Variants in SMCO2 observed in about 807,000 individuals in gnomAD.
SMCO2 encodes single-pass membrane and coiled-coil domain-containing protein 2.
Under a neutral mutation model 29.5 loss-of-function variants are expected in SMCO2, and 25 were observed. The ratio of observed to expected loss-of-function variants is 0.85; its 90% CI spans 0.62 to 1.18. The LOEUF (loss-of-function observed/expected upper bound fraction) is 1.18. Ranked by LOEUF, SMCO2 falls within the 50% of genes most tolerant of loss-of-function variation. The pLI is 0.00. For synonymous variants in SMCO2, 117 were observed against 123.3 expected, an observed-to-expected ratio of 0.95 and a Z score of 0.34; for missense variants, 348 against 344.5, an observed-to-expected ratio of 1.01 and a Z score of -0.08.
the SMCO2 span, among the ~76,000 whole-genome samples, chr12:27,439,510 C>T: frequency 6.6e-6 from 1 of 152,144 alleles, no homozygotes; most frequent in Non-Finnish European, 1.5e-5. Flanking sequence ...AATCCAGTGA[C>T]TGACCCTAAC....
chr12:27,445,713 A>T, the SMCO2 span, among the ~76,000 whole-genome samples: 1 of 152,138 alleles, frequency 6.6e-6, no homozygotes, highest in African/African-American at 2.4e-5. Flanking sequence ...ACCTTTCCAC[A>T]AGTGTCTTAG....
intron 2 of SMCO2, among the ~76,000 whole-genome samples, chr12:27,472,264 A>G (rs1949546919): frequency 6.6e-6 from 1 of 152,150 alleles, no homozygotes; most frequent in South Asian, 2.1e-4. Context: ...TATATATAAT[A>G]TATACACGCA....
chr12:27,460,391 T>C, the SMCO2 span, among the ~76,000 whole-genome samples: 102 of 152,344 alleles, frequency 6.7e-4, no homozygotes, highest in African/African-American at 2.1e-3. Flanking sequence ...ACATAATCAG[T>C]AAATTAACAC....
At chr12:27,481,091 A>C (rs1450728685) in intron 4 of SMCO2, among the ~76,000 whole-genome samples, 3 of 152,160 alleles carry the variant, frequency 2.0e-5, no homozygotes, top group Admixed American at 6.5e-5. Flanking sequence ...GTGATACTGC[A>C]GCTCTGGGTG....
intron 1 of SMCO2, among the ~76,000 whole-genome samples, chr12:27,468,138 A>C (rs1052014888): frequency 1.3e-5 from 2 of 152,154 alleles, no homozygotes; most frequent in African/African-American, 2.4e-5. Flanking sequence ...ACAATAAGAT[A>C]AGGCCCAGCT....
At chr12:27,445,793 C>A in the SMCO2 span, among the ~76,000 whole-genome samples, 1 of 152,312 alleles carries the variant, frequency 6.6e-6, no homozygotes, top group South Asian at 2.1e-4. Context: ...TCTCACAGTT[C>A]TGGAGAATAG....
At chr12:27,425,245 T>A in the SMCO2 span, 1 of 152,114 alleles carries the variant, frequency 6.6e-6, no homozygotes, top group Non-Finnish European at 1.5e-5. Flanking sequence ...TAATTACTCA[T>A]TTGTAGTTTT....
intron 7 of SMCO2, chr12:27,497,965 G>T (rs1943031573): frequency 6.2e-6 from 2 of 322,286 alleles, no homozygotes; most frequent in African/African-American, 2.3e-5. Flanking sequence ...GGGAAGACAA[G>T]AAGTTTAATA....
At chr12:27,466,579 A>G (rs1274835415), upstream of SMCO2, among the ~76,000 whole-genome samples, 1 of 152,186 alleles carries the variant, frequency 6.6e-6, no homozygotes, top group Non-Finnish European at 1.5e-5. Context: ...TTGGAAGAGC[A>G]TCCCAGAACA....
At chr12:27,496,312 C>G (rs306648) in intron 7 of SMCO2, among the ~76,000 whole-genome samples, 5,896 of 150,052 alleles carry the variant, frequency 0.039, 812 homozygotes, top group African/African-American at 0.14. Flanking sequence ...AGAAGCTTCT[C>G]TATACATTTC....
the SMCO2 span, among the ~76,000 whole-genome samples, chr12:27,436,301 T>C: frequency 6.6e-6 from 1 of 152,182 alleles, no homozygotes; most frequent in Non-Finnish European, 1.5e-5. Context: ...ACACAAAGGT[T>C]GCTTTGTCTG....
At chr12:27,495,752 T>C (rs1942992202) in exon 7 of SMCO2, 1 of 1,540,526 alleles carries the variant, frequency 6.5e-7, no homozygotes, top group East Asian at 2.4e-5. Context: ...GGACACTGAC[T>C]CTCACAGTTC....
intron 4 of SMCO2, among the ~76,000 whole-genome samples, chr12:27,483,469 G>A (rs372538498): frequency 1.7e-4 from 26 of 151,862 alleles, no homozygotes; most frequent in African/African-American, 4.6e-4. Flanking sequence ...CCAGGCTGGC[G>A]TGCAGTGGTG....
chr12:27,430,878 G>A, the SMCO2 span, among the ~76,000 whole-genome samples: 8 of 152,010 alleles, frequency 5.3e-5, no homozygotes, highest in South Asian at 2.1e-4. Flanking sequence ...ATCCAGACCC[G>A]AGCAGCTCGA....
At chr12:27,478,487 A>G (rs1313135942) in intron 4 of SMCO2, among the ~76,000 whole-genome samples, 4 of 152,146 alleles carry the variant, frequency 2.6e-5, no homozygotes, top group Non-Finnish European at 4.4e-5. Context: ...GACAGTGGCA[A>G]TAGTAGCAGC....
chr12:27,489,960 AT>A (rs1182700089), intron 5 of SMCO2, among the ~76,000 whole-genome samples: 3 of 152,160 alleles, frequency 2.0e-5, no homozygotes, highest in Admixed American at 2.0e-4. Flanking sequence ...TGAAAGTGAG[AT>A]TTTTTTAAAG....
At chr12:27,438,593 C>T in the SMCO2 span, among the ~76,000 whole-genome samples, 8 of 152,222 alleles carry the variant, frequency 5.3e-5, no homozygotes, top group African/African-American at 1.9e-4. Flanking sequence ...ACTCATCTCT[C>T]CTTCTTACTC....
At chr12:27,441,093 C>CA in the SMCO2 span, among the ~76,000 whole-genome samples, 3,433 of 151,376 alleles carry the variant, frequency 0.023, 141 homozygotes, top group African/African-American at 0.079. Flanking sequence ...CATGTCTCCA[C>CA]AAAAAAAATA....
the SMCO2 span, among the ~76,000 whole-genome samples, chr12:27,451,334 C>A: frequency 6.6e-6 from 1 of 152,058 alleles, no homozygotes; most frequent in Non-Finnish European, 1.5e-5. Flanking sequence ...AGAGGGGGAC[C>A]CTGGGCTGGA....
Sources: allele counts gnomAD v4.1 joint callset (sites outside exome capture counted in the v4.1 genomes callset), GRCh38; gene constraint gnomAD v4.1.1; transcripts MANE v1.5; gene names NCBI Gene and HGNC (gene_info 2026-07-23, HGNC 2026-07-21).